MXD1: variants seen among roughly 807,000 people sequenced by gnomAD.
The protein encoded by MXD1 is MAX-binding protein.
MXD1 carries 9 observed loss-of-function variants against 25.7 expected under a neutral mutation model. That is an observed-to-expected ratio of 0.35 (90% CI 0.21 to 0.61). MXD1 has a LOEUF of 0.61. Ranked by LOEUF, MXD1 falls within the 20% of genes least tolerant of loss-of-function variation. The probability of loss-of-function intolerance (pLI) is 0.75; values close to 1 mark genes in which losing one functional copy is unlikely to be tolerated. For missense variants in MXD1, 227 were observed against 292.4 expected, an observed-to-expected ratio of 0.78 and a Z score of 1.63; for synonymous variants, 99 against 113.9, an observed-to-expected ratio of 0.87 and a Z score of 0.83.
chr2:69,937,878 T>C (rs186934937), intron 5 of MXD1, among the ~76,000 whole-genome samples: 1,616 of 152,298 alleles, frequency 0.011, 22 homozygotes, highest in African/African-American at 0.037. Context: ...CCTCCCAAAG[T>C]GCTGGGATTA....
chr2:69,917,841 T>A (rs74744184), intron 2 of MXD1, among the ~76,000 whole-genome samples: 1,127 of 39,916 alleles, frequency 0.028, 33 homozygotes, highest in African/African-American at 0.13. Context: ...AAAAAAAAAA[T>A]AAAGGCTACA....
At chr2:69,926,897 G>T (rs1254879931) in intron 3 of MXD1, among the ~76,000 whole-genome samples, 2 of 152,120 alleles carry the variant, frequency 1.3e-5, no homozygotes, top group Admixed American at 1.3e-4. Context: ...TCAAAAGATG[G>T]CTCTGGCGTC....
At chr2:69,919,155 C>CTA (rs1677013714) in intron 2 of MXD1, among the ~76,000 whole-genome samples, 1 of 152,054 alleles carries the variant, frequency 6.6e-6, no homozygotes, top group African/African-American at 2.4e-5. Flanking sequence ...GTATATAACT[C>CTA]TATTTATTAG....
chr2:69,915,476 G>A lies in MXD1; in HGVS notation c.73+73G>A. ...TGTGGGGCCGGCCTCAGGTCCGGGC[G>A]CCCAGCCGCTCCGGGGGTGGTTGGA... On this transcript the variant is annotated intron_variant, in intron 1 of 5. Transcript: ENST00000264444. The surrounding 1 kb of genome is among the most constrained non-coding windows in gnomAD (Gnocchi z 5.8). The A allele has an allele frequency of 8.4e-7, 1 of 1,191,262 alleles. No individual in the cohort carries two copies. 73.8% of individuals were successfully genotyped at this position (1,191,262 alleles called of 1,614,324 possible). A position where few individuals can be genotyped will look rare whatever the true frequency, so the allele number is the denominator to read the frequency against.
In MXD1 at chr2:69,916,240, T is replaced by C. The variant is rs1414349954; in HGVS notation, c.173+20T>C. On this transcript the variant is annotated intron_variant, in intron 2 of 5. Transcript: ENST00000264444. ...TAGCAGGTAATTTGGTAAATACTTC[T>C]TTCTGTCTTTTAGATTATATTGTAG... The C allele has an allele frequency of 3.5e-6, 5 of 1,421,166 alleles. No individual in the cohort carries two copies. The highest frequency in any genetic ancestry group is 5.0e-6 in the Non-Finnish European group (5 of 1,009,550). 88.0% of individuals were successfully genotyped at this position (1,421,166 alleles called of 1,614,324 possible).
intron 3 of MXD1, among the ~76,000 whole-genome samples, chr2:69,932,923 G>A (rs1230773810): frequency 6.6e-6 from 1 of 152,078 alleles, no homozygotes; most frequent in African/African-American, 2.4e-5. Flanking sequence ...CTTCTAATTG[G>A]AAAATTAGCT....
At chr2:69,916,384 C>T in intron 2 of MXD1, 164 bp downstream of exon 2, 1 of 492,966 alleles carries the variant, frequency 2.0e-6, no homozygotes, top group Non-Finnish European at 3.6e-6. Flanking sequence ...GAAGCTGTTT[C>T]TGTTTGGGTT....
Position 69,937,161 on chromosome 2 carries a change from AG to A in MXD1, c.319-71del, listed in dbSNP as rs1268920053. 21 of 1,578,150 alleles carry A rather than the reference AG, an allele frequency of 1.3e-5. No homozygotes were observed. In the Middle Eastern group the frequency reaches 5.0e-4, roughly 38 times the overall value. ...AAGTGTGGCGCATTCCACTGCTAGA[AG>A]GGAAGATGCGGGGGCCATTGCCCAT... On this transcript the variant is annotated intron_variant, in intron 4 of 5. Coordinates refer to ENST00000264444, the MANE Select transcript of MXD1 (RefSeq NM_002357.4).
Position 69,942,345 on chromosome 2 carries a change from A to G in MXD1, c.*4061A>G, listed in dbSNP as rs2104229108. On this transcript the variant is annotated 3_prime_UTR_variant, in exon 6 of 6. Transcript: ENST00000264444. ...ACTGGGTTAGAGGGTGGGGTGTGCAATAGGTGATTTATCATGGTTTTTTTC... is the reference window on the plus strand; with the variant it reads ...ACTGGGTTAGAGGGTGGGGTGTGCAGTAGGTGATTTATCATGGTTTTTTTC... 1 of 152,190 alleles carries G rather than the reference A, an allele frequency of 6.6e-6. No individual in the cohort carries two copies. The highest frequency in any genetic ancestry group is 6.5e-5 in the Admixed American group (1 of 15,286). The allele number at this position is 152,190 out of a possible 1,614,324, so 9.4% of individuals were successfully genotyped here.
intron 3 of MXD1, among the ~76,000 whole-genome samples, chr2:69,932,394 G>T (rs566372696): frequency 6.6e-6 from 1 of 152,274 alleles, no homozygotes; most frequent in Admixed American, 6.5e-5. Flanking sequence ...TGGTTGGCCC[G>T]GGCACCAGTG....
intron 3 of MXD1, among the ~76,000 whole-genome samples, chr2:69,924,290 G>A (rs1677129699): frequency 6.6e-6 from 1 of 152,348 alleles, no homozygotes; most frequent in East Asian, 1.9e-4. Flanking sequence ...CAAGCTGCCT[G>A]TAATTGAGCT....
intron 4 of MXD1, among the ~76,000 whole-genome samples, chr2:69,936,862 A>G (rs1304306939): frequency 9.2e-5 from 14 of 152,198 alleles, no homozygotes; most frequent in Admixed American, 9.2e-4. Flanking sequence ...GCTCCCATCA[A>G]GTGCAGTTTT....
chr2:69,923,235 G>C (rs933211521), intron 3 of MXD1, among the ~76,000 whole-genome samples: 3 of 152,226 alleles, frequency 2.0e-5, no homozygotes, highest in South Asian at 2.1e-4. Flanking sequence ...CTCTGCACTC[G>C]TATGTTTCAA....
In MXD1 at chr2:69,915,351, G is replaced by A; in HGVS notation, c.21G>A (p.Met7Ile). The change falls in exon 1 of 6, where the codon ATG becomes ATA. Residue 7 changes from methionine to isoleucine, a missense_variant. Transcript: ENST00000264444. The surrounding 1 kb of genome is among the most constrained non-coding windows in gnomAD (Gnocchi z 5.8). The part of the protein sequence containing the change: MAAAVR[M>I]NIQMLLEAAD... ...GCAGAATGGCGGCGGCGGTTCGGATGAACATCCAGATGCTGCTGGAGGCGG... is the reference window on the plus strand; with the variant it reads ...GCAGAATGGCGGCGGCGGTTCGGATAAACATCCAGATGCTGCTGGAGGCGG... 7.7e-7 allele frequency: 1 copy of A among 1,302,538 alleles called. No homozygotes were observed. The highest frequency in any genetic ancestry group is 2.4e-5 in the South Asian group (1 of 41,852). 80.7% of individuals were successfully genotyped at this position (1,302,538 alleles called of 1,614,324 possible).
rs1181237416 is a variant in MXD1 at position 69,940,744 on chromosome 2, G to A, written c.*2460G>A. 6.6e-6 allele frequency: 1 copy of A among 152,608 alleles called. No individual in the cohort carries two copies. Among genetic ancestry groups the A allele is most frequent in the African/African-American group, 2.4e-5 (1 of 41,424 alleles). 9.5% of individuals were successfully genotyped at this position (152,608 alleles called of 1,614,324 possible). On this transcript the variant is annotated 3_prime_UTR_variant, in exon 6 of 6. Transcript: ENST00000264444. ...TGCACTTGTGATAAACTGGCAGCAG[G>A]GTTAGACATTACTTTCAAAGCTTGA...
intron 2 of MXD1, among the ~76,000 whole-genome samples, chr2:69,918,220 C>G (rs924024540): frequency 2.6e-5 from 4 of 152,072 alleles, no homozygotes; most frequent in African/African-American, 9.7e-5. Context: ...TTTACATAAC[C>G]CTTGGATAAC....
At chr2:69,929,999 A>G (rs181950447) in intron 3 of MXD1, among the ~76,000 whole-genome samples, 15 of 152,342 alleles carry the variant, frequency 9.8e-5, no homozygotes, top group Non-Finnish European at 2.1e-4. Flanking sequence ...ACACACATCT[A>G]TTCTTCTAGA....
intron 2 of MXD1, 118 bp from the exon 3 acceptor site, chr2:69,921,618 C>T: frequency 1.2e-6 from 1 of 844,022 alleles, no homozygotes; most frequent in Non-Finnish European, 1.7e-6. Flanking sequence ...ATTTTTCTGC[C>T]TTTCTACATC....
At position 69,915,451 on chromosome 2, in the gene MXD1, T is replaced by C. The variant is rs903739574; in HGVS notation, c.73+48T>C. 1.6e-6 allele frequency: 2 copies of C among 1,246,484 alleles called. No individual in the cohort carries two copies. The highest frequency in any genetic ancestry group is 3.1e-5 in the African/African-American group (2 of 64,180). The allele number at this position is 1,246,484 out of a possible 1,614,324, so 77.2% of individuals were successfully genotyped here. ...CCACTCGAAACGAGGCCGGGGGTCC[T>C]GTGGGGCCGGCCTCAGGTCCGGGCG... On this transcript the variant is annotated intron_variant, in intron 1 of 5. Coordinates refer to ENST00000264444, the MANE Select transcript of MXD1 (RefSeq NM_002357.4). This position sits in a 1 kb window ranked among gnomAD's most constrained non-coding sequence, Gnocchi z 5.8.
Sources: gnomAD v4.1 joint callset for allele counts (sites outside exome capture counted in the v4.1 genomes callset) on GRCh38, gnomAD v4.1.1 for gene constraint, Gnocchi (gnomAD v3.1) non-coding constraint, MANE v1.5 for transcripts, NCBI Gene and HGNC (gene_info 2026-07-23, HGNC 2026-07-21) for gene names.